Variants in SPINK6 observed in about 807,000 individuals in gnomAD.
SPINK6 encodes serine protease inhibitor Kazal-type 6.
Under a neutral mutation model 11.7 loss-of-function variants are expected in SPINK6, and 13 were observed. The ratio of observed to expected loss-of-function variants is 1.11; its 90% CI spans 0.72 to 1.76. The LOEUF is 1.76. SPINK6 is among the 40% of genes most tolerant of loss of function. The pLI, the probability that SPINK6 is intolerant of heterozygous loss-of-function variation, is 0.00. For missense variants in SPINK6, 98 were observed against 93.7 expected, an observed-to-expected ratio of 1.05 and a Z score of -0.19; for synonymous variants, 21 against 31.9, an observed-to-expected ratio of 0.66 and a Z score of 1.15.
At chr5:148,203,200 G>A in intron 1 of SPINK6, 46 bp downstream of exon 1, 1 of 1,337,986 alleles carries the variant, frequency 7.5e-7, no homozygotes, top group Non-Finnish European at 1.0e-6. Flanking sequence ...TACTGAACTG[G>A]ATATGATGAG....
At chr5:148,206,107 T>G in intron 2 of SPINK6, 49 bp downstream of exon 2, 1 of 1,608,358 alleles carries the variant, frequency 6.2e-7, no homozygotes, top group Non-Finnish European at 8.5e-7. Flanking sequence ...GTGCTTGGCT[T>G]GATCTTCACT....
In SPINK6 at chr5:148,214,043, C is replaced by T. The variant is rs757257165; in HGVS notation, c.197+18C>T. 1.4e-5 allele frequency: 20 copies of T among 1,462,326 alleles called. No individual in the cohort carries two copies. In the Admixed American group the frequency reaches 3.5e-4, roughly 26 times the overall value. 90.6% of individuals were successfully genotyped at this position (1,462,326 alleles called of 1,614,324 possible). On this transcript the variant is annotated intron_variant, in intron 3 of 3. Coordinates refer to ENST00000325630, the MANE Select transcript of SPINK6 (RefSeq NM_205841.4). ...GCCATAGTGTAAGTATTATATTCAT[C>T]AAAGCTGACCCTTGCAAACACAAAC...
At chr5:148,211,076 G>C (rs144246869) in intron 2 of SPINK6, among the ~76,000 whole-genome samples, 33 of 152,204 alleles carry the variant, frequency 2.2e-4, no homozygotes, top group African/African-American at 7.7e-4. Flanking sequence ...TGAGTCTTTA[G>C]TTGACTTAAT....
chr5:148,203,203 A>G (rs1755456746), intron 1 of SPINK6, 49 bp downstream of exon 1: 1 of 1,325,142 alleles, frequency 7.5e-7, no homozygotes, highest in African/African-American at 1.5e-5. Flanking sequence ...TGAACTGGAT[A>G]TGATGAGTAG....
At chr5:148,212,233 C>T (rs1755607727) in intron 2 of SPINK6, among the ~76,000 whole-genome samples, 1 of 151,726 alleles carries the variant, frequency 6.6e-6, no homozygotes, top group Non-Finnish European at 1.5e-5. Flanking sequence ...AACATATGTT[C>T]TCAACAATAG....
At chr5:148,209,116 T>G (rs530267159) in intron 2 of SPINK6, among the ~76,000 whole-genome samples, 1 of 152,346 alleles carries the variant, frequency 6.6e-6, no homozygotes, top group Admixed American at 6.5e-5. Flanking sequence ...CTAATGAGTT[T>G]GAAGTTTTTC....
At chr5:148,211,423 G>T (rs541084670) in intron 2 of SPINK6, among the ~76,000 whole-genome samples, 3 of 152,300 alleles carry the variant, frequency 2.0e-5, no homozygotes, top group African/African-American at 7.2e-5. Flanking sequence ...TAGAGCTACT[G>T]TAGTTAGCAT....
intron 1 of SPINK6, among the ~76,000 whole-genome samples, chr5:148,204,411 A>G (rs1179331814): frequency 2.0e-5 from 3 of 151,062 alleles, no homozygotes; most frequent in Non-Finnish European, 4.4e-5. Flanking sequence ...TCTTCTCTTT[A>G]CAAAGGTGAA....
chr5:148,210,866 G>A (rs1005725073), intron 2 of SPINK6, among the ~76,000 whole-genome samples: 21 of 151,984 alleles, frequency 1.4e-4, no homozygotes, highest in African/African-American at 4.8e-4. Flanking sequence ...GGAAATAAGG[G>A]TGAGGGGAAG....
chr5:148,212,197 CATA>C (rs1755607230), intron 2 of SPINK6, among the ~76,000 whole-genome samples: 1 of 151,810 alleles, frequency 6.6e-6, no homozygotes. Flanking sequence ...CTATGGAGCC[CATA>C]ATAATAATTA....
intron 2 of SPINK6, among the ~76,000 whole-genome samples, chr5:148,207,047 A>G (rs898172902): frequency 6.6e-5 from 8 of 120,448 alleles, no homozygotes; most frequent in Non-Finnish European, 1.3e-4. Flanking sequence ...GTGTGTGTAC[A>G]TGCATGTGCA....
Position 148,213,565 on chromosome 5 carries a change from T to C in SPINK6, c.82-345T>C, listed in dbSNP as rs548508116. On this transcript the variant is annotated intron_variant, in intron 2 of 3. Coordinates refer to ENST00000325630, the MANE Select transcript of SPINK6 (RefSeq NM_205841.4). ...CATTAATATGATGTTTAAAAAGTCG[T>C]TTCATGACCGAAAACCACTCTCAAT... Among the ~76,000 whole-genome samples, 4 of 152,182 alleles carry C rather than the reference T, an allele frequency of 2.6e-5. No homozygotes were observed. The South Asian group carries it at 8.3e-4, about 32-fold the overall frequency.
chr5:148,208,753 C>T (rs966260544), intron 2 of SPINK6, among the ~76,000 whole-genome samples: 4 of 152,194 alleles, frequency 2.6e-5, no homozygotes, highest in Non-Finnish European at 5.9e-5. Context: ...TTTGTCATCA[C>T]TAGCGTTTCA....
chr5:148,206,597 A>G (rs563781975), intron 2 of SPINK6, among the ~76,000 whole-genome samples: 1 of 152,340 alleles, frequency 6.6e-6, no homozygotes, highest in Admixed American at 6.5e-5. Context: ...CTGCTCTGTA[A>G]TGAGGATATA....
intron 1 of SPINK6, among the ~76,000 whole-genome samples, chr5:148,204,110 C>T (rs1156329982): frequency 6.7e-6 from 1 of 149,234 alleles, no homozygotes; most frequent in Non-Finnish European, 1.5e-5. Flanking sequence ...AATTTTACTA[C>T]TATGCAAGAT....
At position 148,213,996 on chromosome 5, in the gene SPINK6, C is replaced by T; in HGVS notation, c.168C>T (p.Gly56=). The T allele has an allele frequency of 6.2e-7, 1 of 1,612,524 alleles. No homozygotes were observed. Among genetic ancestry groups the T allele is most frequent in the Non-Finnish European group, 8.5e-7 (1 of 1,178,608 alleles). The change falls in exon 3 of 4, where the codon GGC becomes GGT. Residue 56 remains glycine, a synonymous_variant. Coordinates refer to ENST00000325630, the MANE Select transcript of SPINK6 (RefSeq NM_205841.4). ...PHCGSDGQTY[G]NKCAFCKAIV... The stretch of plus-strand genomic sequence containing the variant: ...GTGGCTCTGATGGCCAGACATATGG[C>T]AATAAATGTGCCTTCTGTAAGGCCA...
At position 148,209,992 on chromosome 5, in the gene SPINK6, A is replaced by G. The variant is rs544153175; in HGVS notation, c.82-3918A>G. Among the ~76,000 whole-genome samples, 9 of 145,854 alleles carry G rather than the reference A, an allele frequency of 6.2e-5. 2 individuals carry two copies. Among genetic ancestry groups the G allele is most frequent in the African/African-American group, 1.0e-4 (4 of 39,078 alleles). On this transcript the variant is annotated intron_variant, in intron 2 of 3. Coordinates refer to ENST00000325630, the MANE Select transcript of SPINK6 (RefSeq NM_205841.4). ...CATACGTACGTATGTATGTATACAT[A>G]TACACGTATGTATACATGTATGTAC...
chr5:148,212,605 A>AAGT (rs1561733742), intron 2 of SPINK6, among the ~76,000 whole-genome samples: 13 of 105,324 alleles, frequency 1.2e-4, no homozygotes, highest in African/African-American at 5.1e-4. Flanking sequence ...TATAATATAT[A>AAGT]ATATATATTT....
intron 2 of SPINK6, among the ~76,000 whole-genome samples, chr5:148,207,120 C>T (rs187706945): frequency 1.9e-4 from 29 of 151,796 alleles, no homozygotes; most frequent in Non-Finnish European, 1.3e-4. Context: ...AAACTGTATA[C>T]CTTCAAGTTG....
Sources: gnomAD v4.1 joint callset for allele counts (sites outside exome capture counted in the v4.1 genomes callset) on GRCh38, gnomAD v4.1.1 for gene constraint, MANE v1.5 for transcripts, NCBI Gene and HGNC (gene_info 2026-07-23, HGNC 2026-07-21) for gene names.